ABHD6: variants seen among roughly 807,000 people sequenced by gnomAD.
The protein encoded by ABHD6 is monoacylglycerol lipase ABHD6.
A neutral mutation model predicts 38.8 loss-of-function variants in ABHD6; 33 were observed. That is an observed-to-expected ratio of 0.85 (90% CI 0.64 to 1.14). The LOEUF (loss-of-function observed/expected upper bound fraction) is 1.14, where lower values mean the gene tolerates loss of function less well. Ranked by LOEUF, ABHD6 falls within the 50% of genes most tolerant of loss-of-function variation. The pLI, the probability that ABHD6 is intolerant of heterozygous loss-of-function variation, is 0.00. For synonymous variants in ABHD6, 147 were observed against 161.6 expected (o/e 0.91, Z 0.69); for missense variants, 380 against 422.6 (o/e 0.90, Z 0.88).
intron 2 of ABHD6, among the ~76,000 whole-genome samples, chr3:58,253,951 CA>C (rs1001436394): frequency 6.6e-6 from 1 of 152,164 alleles, no homozygotes; most frequent in African/African-American, 2.4e-5. Flanking sequence ...TCTCCTTCTC[CA>C]GGCTGTGAGG....
At chr3:58,284,098 C>G (rs1053820682) in intron 7 of ABHD6, among the ~76,000 whole-genome samples, 3 of 152,100 alleles carry the variant, frequency 2.0e-5, no homozygotes, top group Non-Finnish European at 4.4e-5. Flanking sequence ...TAATGTGAAC[C>G]CTGTACTCTA....
chr3:58,250,917 C>T, intron 2 of ABHD6, among the ~76,000 whole-genome samples: 1 of 152,180 alleles, frequency 6.6e-6, no homozygotes, highest in Non-Finnish European at 1.5e-5. Flanking sequence ...AAGTTGACTC[C>T]AGTGCTGGTG....
intron 1 of ABHD6, among the ~76,000 whole-genome samples, chr3:58,240,731 A>ATTT (rs34994874): frequency 0.49 from 65,336 of 134,048 alleles, 17,919 homozygotes; most frequent in African/African-American, 0.75. Context: ...AACCTGGGTA[A>ATTT]TTTTTTTTTT....
In ABHD6 at chr3:58,273,099, A is replaced by G. The variant is rs1408659199; in HGVS notation, c.524-1559A>G. Among the ~76,000 whole-genome samples, 1 of 152,170 alleles carries G rather than the reference A, an allele frequency of 6.6e-6. No homozygotes were observed. Among genetic ancestry groups the G allele is most frequent in the Non-Finnish European group, 1.5e-5 (1 of 68,036 alleles). On this transcript the variant is annotated intron_variant, in intron 6 of 9. Coordinates refer to ENST00000478253, the MANE Select transcript of ABHD6 (RefSeq NM_001320126.2). This position sits in a 1 kb window ranked among gnomAD's most constrained non-coding sequence, Gnocchi z 4.8. ...ACATCTAACCTAGGTTTAGTTTTAA[A>G]GAGAGGGGAAATAGATAATGTCATC...
In ABHD6 at chr3:58,285,109, C is replaced by T. The variant is rs774627441; in HGVS notation, c.706C>T (p.Arg236Cys). The T allele has an allele frequency of 7.4e-6, 12 of 1,614,058 alleles. No individual in the cohort carries two copies. Among genetic ancestry groups the T allele is most frequent in the South Asian group, 3.3e-5 (3 of 91,090 alleles). ...QQILQGLVDV[R>C]IPHNNFYRKL... ...GATCCTGCAAGGCCTTGTCGATGTC[C>T]GCATCCCTCATAACAACTTCTACCG... The change falls in exon 8 of 10, where the codon CGC becomes TGC. Residue 236 changes from arginine to cysteine, a missense_variant. Coordinates refer to ENST00000478253, the MANE Select transcript of ABHD6 (RefSeq NM_001320126.2). This position sits in a 1 kb window ranked among gnomAD's most constrained non-coding sequence, Gnocchi z 4.9.
Position 58,267,360 on chromosome 3 carries a change from TC to T in ABHD6, c.276+16del, listed in dbSNP as rs2097441841. 1 of 1,613,844 alleles carries T rather than the reference TC, an allele frequency of 6.2e-7. No individual in the cohort carries two copies. The highest frequency in any genetic ancestry group is 1.3e-5 in the African/African-American group (1 of 75,014). The stretch of plus-strand genomic sequence containing the variant: ...GTGTGGTCAAGGTGCAATTCTCGAT[TC>T]TTCTCTCTTATAAGAAAAGGGAGTT... On this transcript the variant is annotated intron_variant, in intron 4 of 9. Coordinates refer to ENST00000478253, the MANE Select transcript of ABHD6 (RefSeq NM_001320126.2). This position sits in a 1 kb window ranked among gnomAD's most constrained non-coding sequence, Gnocchi z 4.3.
intron 7 of ABHD6, among the ~76,000 whole-genome samples, chr3:58,284,367 C>T (rs1241316514): frequency 6.6e-6 from 1 of 152,102 alleles, no homozygotes; most frequent in Non-Finnish European, 1.5e-5. Context: ...ACCTATCATC[C>T]CCCAGTGGCT....
In ABHD6 at chr3:58,274,790, A is replaced by G. The variant is rs577456564; in HGVS notation, c.656A>G (p.Tyr219Cys). The change falls in exon 7 of 10, where the codon TAT (tyrosine) becomes TGT (cysteine). Residue 219 changes from tyrosine to cysteine, a missense_variant. By Grantham distance (194) the Tyr-to-Cys change is radical (BLOSUM62 -2). Coordinates refer to ENST00000478253, the MANE Select transcript of ABHD6 (RefSeq NM_001320126.2). ...AGTGAAATGCTTCAGCTCTGCTCCT[A>G]TGTCCGCTTCAAGGTGCCCCAGCAG... ...EMSEMLQLCS[Y>C]VRFKVPQQIL... is the part of the protein sequence containing the mutation. The G allele has an allele frequency of 1.2e-5, 20 of 1,614,084 alleles. No individual in the cohort carries two copies. The South Asian group carries it at 1.8e-4, about 14-fold the overall frequency.
In ABHD6 at chr3:58,249,194, T is replaced by C. The variant is rs921260550; in HGVS notation, c.-90-684T>C. Among the ~76,000 whole-genome samples, 18 of 152,368 alleles carry C rather than the reference T, an allele frequency of 1.2e-4. No individual in the cohort carries two copies. In the East Asian group the frequency reaches 3.5e-3, roughly 29 times the overall value. On this transcript the variant is annotated intron_variant, in intron 1 of 9. Transcript: ENST00000478253. ...ACTTTTTTATGCAACTAATACTCTT[T>C]GTTATGGCCTCTGGATGTTAGACAT... is the stretch of plus-strand genomic sequence containing the variant.
chr3:58,281,535 G>A (rs754343850), intron 7 of ABHD6, among the ~76,000 whole-genome samples: 8 of 152,306 alleles, frequency 5.3e-5, no homozygotes, highest in East Asian at 3.9e-4. Context: ...GAAATCCCCC[G>A]ACCCCTTGCA....
chr3:58,263,950 C>G lies in ABHD6; in HGVS notation c.120-3239C>G, dbSNP rs567375952. On this transcript the variant is annotated intron_variant, in intron 3 of 9. Coordinates refer to ENST00000478253, the MANE Select transcript of ABHD6 (RefSeq NM_001320126.2). This position sits in a 1 kb window ranked among gnomAD's most constrained non-coding sequence, Gnocchi z 4.9. Reference sequence around the variant, plus strand: ...TGCTCTTCCCACCTCTCTCCCCCACCACTTCATCTGTGTATACTTAACAGT... The same window carrying G: ...TGCTCTTCCCACCTCTCTCCCCCACGACTTCATCTGTGTATACTTAACAGT... Among the ~76,000 whole-genome samples the G allele has an allele frequency of 3.9e-5, 6 of 152,242 alleles. No individual in the cohort carries two copies. The highest frequency in any genetic ancestry group is 2.1e-4 in the South Asian group (1 of 4,830).
In ABHD6 at chr3:58,269,281, G is replaced by C. The variant is rs746780751; in HGVS notation, c.277-40G>C. 1 of 1,513,836 alleles carries C rather than the reference G, an allele frequency of 6.6e-7. No individual in the cohort carries two copies. The highest frequency in any genetic ancestry group is 9.2e-7 in the Non-Finnish European group (1 of 1,091,216). 93.8% of individuals were successfully genotyped at this position (1,513,836 alleles called of 1,614,324 possible). On this transcript the variant is annotated intron_variant, in intron 4 of 9. Coordinates refer to ENST00000478253, the MANE Select transcript of ABHD6 (RefSeq NM_001320126.2). The surrounding 1 kb of genome is among the most constrained non-coding windows in gnomAD (Gnocchi z 4.4). ...CCAAGAAAATGGGCAGACATGTTTT[G>C]CACACCACATACTGACTCTCTGGGT... is the stretch of plus-strand genomic sequence containing the variant.
intron 9 of ABHD6, among the ~76,000 whole-genome samples, chr3:58,288,048 C>T (rs541665940): frequency 2.6e-5 from 4 of 152,290 alleles, no homozygotes; most frequent in East Asian, 1.9e-4. Context: ...CCGTTTCATT[C>T]CAGAAAAAGA....
chr3:58,274,717 G>T lies in ABHD6; in HGVS notation c.583G>T (p.Ala195Ser). The change falls in exon 7 of 10, where the codon GCC (alanine) becomes TCC (serine). Residue 195 changes from alanine (A) to serine (S), a missense_variant. By Grantham distance (99) the Ala-to-Ser change is moderately conservative. Coordinates refer to ENST00000478253, the MANE Select transcript of ABHD6 (RefSeq NM_001320126.2). ...ACGGCTCAAAGAACTGCAGGGCTCT[G>T]CCGCCGTGGAGAAGATTCCCTTGAT... ...VQRLKELQGSAAVEKIPLIPS... is the reference protein window; with the variant it reads ...VQRLKELQGSSAVEKIPLIPS... 1 of 1,614,230 alleles carries T rather than the reference G, an allele frequency of 6.2e-7. No homozygotes were observed.
At position 58,292,709 on chromosome 3, in the gene ABHD6, G is replaced by A. The variant is rs528782998; in HGVS notation, c.838-880G>A. ...AGGCAGGTGGATCACCTGAGGTCAG[G>A]AGTTCGAGACCAGCCTGGCCAACGT... On this transcript the variant is annotated intron_variant, in intron 9 of 9. Transcript: ENST00000478253. Among the ~76,000 whole-genome samples, 41 of 152,090 alleles carry A rather than the reference G, an allele frequency of 2.7e-4. No individual in the cohort carries two copies. The Middle Eastern group carries it at 0.014, about 50-fold the overall frequency.
At chr3:58,242,896 G>T (rs747453258) in intron 1 of ABHD6, among the ~76,000 whole-genome samples, 1 of 151,646 alleles carries the variant, frequency 6.6e-6, no homozygotes, top group African/African-American at 2.4e-5. Flanking sequence ...GACAGGCCCC[G>T]GTGTGTAATG....
At chr3:58,284,977 A>C in intron 7 of ABHD6, 108 bp from the exon 8 acceptor site, 2 of 981,554 alleles carry the variant, frequency 2.0e-6, no homozygotes, top group Non-Finnish European at 3.3e-6. Flanking sequence ...AGACCTTGAC[A>C]GTGCAATAAA....
At position 58,293,565 on chromosome 3, in the gene ABHD6, C is replaced by T; in HGVS notation, c.838-24C>T. The T allele has an allele frequency of 6.2e-7, 1 of 1,612,186 alleles. No homozygotes were observed. Among genetic ancestry groups the T allele is most frequent in the Non-Finnish European group, 8.5e-7 (1 of 1,178,898 alleles). ...GGGTGTCTGAATCTTTGTGTATCATCCAGCTCCCTTTCTTGCCCAGCAGGT... is the reference window on the plus strand; with the variant it reads ...GGGTGTCTGAATCTTTGTGTATCATTCAGCTCCCTTTCTTGCCCAGCAGGT... On this transcript the variant is annotated intron_variant, in intron 9 of 9. Coordinates refer to ENST00000478253, the MANE Select transcript of ABHD6 (RefSeq NM_001320126.2). The surrounding 1 kb of genome is among the most constrained non-coding windows in gnomAD (Gnocchi z 4.4).
chr3:58,274,600 A>T (rs2097447396), intron 6 of ABHD6, 58 bp from the exon 7 acceptor site: 1 of 1,553,062 alleles, frequency 6.4e-7, no homozygotes, highest in African/African-American at 1.4e-5. Context: ...CCCTATATAA[A>T]ATGGGATTGG....
Sources: gnomAD v4.1 joint callset for allele counts (sites outside exome capture counted in the v4.1 genomes callset) on GRCh38, gnomAD v4.1.1 for gene constraint, Gnocchi (gnomAD v3.1) non-coding constraint, MANE v1.5 for transcripts, NCBI Gene and HGNC (gene_info 2026-07-23, HGNC 2026-07-21) for gene names.